GABRG3: variants seen among roughly 807,000 people sequenced by gnomAD.
The protein encoded by GABRG3 is gamma-aminobutyric acid type A receptor subunit gamma3, also known as gamma-aminobutyric acid receptor subunit gamma-3.
GABRG3 carries 25 observed loss-of-function variants against 48.8 expected under a neutral mutation model. The ratio of observed to expected loss-of-function variants is 0.51; its 90% confidence interval spans 0.37 to 0.72. The LOEUF (loss-of-function observed/expected upper bound fraction) is 0.72, where lower values mean the gene tolerates loss of function less well. Ranked by LOEUF, GABRG3 falls within the 30% of genes least tolerant of loss-of-function variation. The pLI, the probability that GABRG3 is intolerant of heterozygous loss-of-function variation, is 0.00. For missense variants in GABRG3, 394 were observed against 577.9 expected, an observed-to-expected ratio of 0.68 and a Z score of 3.26; for synonymous variants, 227 against 217.6, an observed-to-expected ratio of 1.04 and a Z score of -0.38.
chr15:27,194,804 A>T (rs1210045482), intron 3 of GABRG3, among the ~76,000 whole-genome samples: 1 of 152,098 alleles, frequency 6.6e-6, no homozygotes, highest in African/African-American at 2.4e-5. Context: ...CAAGTTTCAG[A>T]AGTTTTCAGC....
intron 3 of GABRG3, among the ~76,000 whole-genome samples, chr15:27,134,566 C>T (rs1176910583): frequency 2.0e-5 from 3 of 152,176 alleles, no homozygotes; most frequent in Non-Finnish European, 4.4e-5. Context: ...GGTCACCACA[C>T]TGGGCTCTGG....
chr15:27,343,243 C>T (rs556966880), intron 5 of GABRG3, among the ~76,000 whole-genome samples: 2 of 152,098 alleles, frequency 1.3e-5, no homozygotes, highest in East Asian at 1.9e-4. Context: ...ACTGTCTTGG[C>T]GTGCAGAAGT....
At chr15:27,476,826 A>G (rs943362628) in intron 5 of GABRG3, among the ~76,000 whole-genome samples, 4 of 152,216 alleles carry the variant, frequency 2.6e-5, no homozygotes, top group Non-Finnish European at 5.9e-5. Flanking sequence ...AAGAATGTCA[A>G]CAAATCCCAA....
intron 5 of GABRG3, among the ~76,000 whole-genome samples, chr15:27,412,264 G>A (rs1322095941): frequency 6.6e-6 from 1 of 151,968 alleles, no homozygotes; most frequent in Non-Finnish European, 1.5e-5. Context: ...CCAAAACATG[G>A]ACACTGATAG....
chr15:26,991,845 T>A (rs1245171610), intron 2 of GABRG3, among the ~76,000 whole-genome samples: 1 of 152,000 alleles, frequency 6.6e-6, no homozygotes, highest in South Asian at 2.1e-4. Flanking sequence ...CTCAGCCTCC[T>A]GAGTAGCTGG....
intron 3 of GABRG3, among the ~76,000 whole-genome samples, chr15:27,307,678 C>CAT (rs564965283): frequency 2.5e-5 from 3 of 119,294 alleles, no homozygotes; most frequent in East Asian, 5.3e-4. Flanking sequence ...TATATATAAA[C>CAT]ATAGGTTTAT....
chr15:27,373,679 C>A (rs1895488381), intron 5 of GABRG3, among the ~76,000 whole-genome samples: 2 of 152,132 alleles, frequency 1.3e-5, no homozygotes, highest in Non-Finnish European at 2.9e-5. Context: ...GAAAATCTGA[C>A]CTTTAGCAAC....
intron 3 of GABRG3, among the ~76,000 whole-genome samples, chr15:27,150,783 C>T (rs775295923): frequency 1.3e-5 from 2 of 152,152 alleles, no homozygotes; most frequent in African/African-American, 2.4e-5. Flanking sequence ...CTACTTACAG[C>T]CCGCTCTTCT....
chr15:27,500,366 C>T (rs906150795), intron 6 of GABRG3, among the ~76,000 whole-genome samples: 1 of 152,130 alleles, frequency 6.6e-6, no homozygotes, highest in African/African-American at 2.4e-5. Flanking sequence ...GGAGGAGAAC[C>T]GCCCTGACTT....
intron 3 of GABRG3, among the ~76,000 whole-genome samples, chr15:27,079,967 C>A (rs1896965874): frequency 6.6e-6 from 1 of 152,146 alleles, no homozygotes; most frequent in Admixed American, 6.5e-5. Context: ...AGAGGTGGAG[C>A]TTTTGAGGGC....
At chr15:27,231,172 T>G (rs1445836632) in intron 3 of GABRG3, among the ~76,000 whole-genome samples, 1 of 152,202 alleles carries the variant, frequency 6.6e-6, no homozygotes, top group Non-Finnish European at 1.5e-5. Flanking sequence ...ATACAAGTGC[T>G]ACACTGGAGC....
At chr15:27,075,783 G>A (rs1896900250) in intron 3 of GABRG3, among the ~76,000 whole-genome samples, 1 of 152,206 alleles carries the variant, frequency 6.6e-6, no homozygotes, top group African/African-American at 2.4e-5. Flanking sequence ...TGGCTCCCTG[G>A]TGGGGGTGAG....
chr15:27,376,855 A>G (rs1355740221), intron 5 of GABRG3, among the ~76,000 whole-genome samples: 1 of 152,196 alleles, frequency 6.6e-6, no homozygotes, highest in East Asian at 1.9e-4. Context: ...CTCATTACTT[A>G]TGCAAATTTC....
chr15:27,511,436 T>C (rs1298541150), intron 6 of GABRG3, among the ~76,000 whole-genome samples: 1 of 152,124 alleles, frequency 6.6e-6, no homozygotes, highest in Non-Finnish European at 1.5e-5. Context: ...AATTAATACA[T>C]GAGTTACAAA....
At chr15:27,255,454 C>G (rs1206481445) in intron 3 of GABRG3, among the ~76,000 whole-genome samples, 2 of 152,210 alleles carry the variant, frequency 1.3e-5, no homozygotes, top group Non-Finnish European at 2.9e-5. Flanking sequence ...TCTTGTTTCA[C>G]TCTTAGTTTA....
At chr15:27,026,708 C>G (rs1416077424) in intron 2 of GABRG3, 46 bp from the exon 3 acceptor site, 11 of 1,455,430 alleles carry the variant, frequency 7.6e-6, no homozygotes, top group Non-Finnish European at 1.0e-5. Flanking sequence ...TCTCCTCTGT[C>G]TTTCTCCGGC....
chr15:27,482,354 C>T (rs1890120288), intron 6 of GABRG3, among the ~76,000 whole-genome samples: 1 of 152,206 alleles, frequency 6.6e-6, no homozygotes, highest in African/African-American at 2.4e-5. Flanking sequence ...GAAGTCACGC[C>T]CTGCCTGCAG....
intron 3 of GABRG3, among the ~76,000 whole-genome samples, chr15:27,227,687 GAAAAA>G (rs1037951621): frequency 7.2e-6 from 1 of 138,234 alleles, no homozygotes; most frequent in Non-Finnish European, 1.6e-5. Flanking sequence ...TATTTCTAAA[GAAAAA>G]AAAAAGAAAA....
chr15:27,168,382 C>G (rs1224209251), intron 3 of GABRG3, among the ~76,000 whole-genome samples: 1 of 152,106 alleles, frequency 6.6e-6, no homozygotes, highest in South Asian at 2.1e-4. Flanking sequence ...GAACACACAC[C>G]GTGATTAAGC....
Sources: allele counts gnomAD v4.1 joint callset (sites outside exome capture counted in the v4.1 genomes callset), GRCh38; gene constraint gnomAD v4.1.1; transcripts MANE v1.5; gene names NCBI Gene and HGNC (gene_info 2026-07-23, HGNC 2026-07-21).